MYO15B: variants seen among roughly 807,000 people sequenced by gnomAD.
MYO15B encodes myosin XVB pseudogene.
In MYO15B, 207 loss-of-function variants were observed where a neutral mutation model predicts 119.3. The observed-to-expected ratio is 1.73, with a 90% confidence interval of 1.55 to 1.95. The LOEUF (loss-of-function observed/expected upper bound fraction) is 1.95, where lower values mean the gene tolerates loss of function less well. MYO15B is among the 30% of genes most tolerant of loss of function. MYO15B has a pLI of 0.00. For missense variants in MYO15B, 2,264 were observed against 1,203.1 expected (o/e 1.88, Z -13.04); for synonymous variants, 966 against 498.9 (o/e 1.94, Z -12.48).
exon 21 of MYO15B, chr17:75,605,880 A>G: frequency 1.4e-6 from 1 of 697,784 alleles, no homozygotes; most frequent in Non-Finnish European, 2.6e-6. Flanking sequence ...CTGCAGGAGC[A>G]GGGCTGGCAG....
At chr17:75,588,743 C>A in exon 1 of MYO15B, 1 of 398,906 alleles carries the variant, frequency 2.5e-6, no homozygotes, top group East Asian at 3.6e-5. Context: ...GGGACGGGGC[C>A]CCTGGGAGCC....
chr17:75,614,575 T>G lies in MYO15B; in HGVS notation c.5382-8T>G, dbSNP rs1374221932. 2.9e-6 allele frequency: 2 copies of G among 700,426 alleles called. No homozygotes were observed. Among genetic ancestry groups the G allele is most frequent in the African/African-American group, 1.7e-5 (1 of 57,178 alleles). 43.4% of individuals were successfully genotyped at this position (700,426 alleles called of 1,614,324 possible). The stretch of plus-strand genomic sequence containing the variant: ...GCCACCCCCTTAGCTGGATCCCGTT[T>G]CCTGCAGAGCCGAGGCCATTCCCCT... On this transcript the variant is annotated splice_polypyrimidine_tract_variant and splice_region_variant and intron_variant, in intron 30 of 63. Coordinates refer to ENST00000645453, the Ensembl canonical transcript of MYO15B.
Position 75,621,665 on chromosome 17 carries a change from T to C in MYO15B, c.8005+95T>C, listed in dbSNP as rs116351096. The C allele has an allele frequency of 3.5e-3, 2,281 of 645,868 alleles. 16 individuals carry two copies. The highest frequency in any genetic ancestry group is 0.014 in the African/African-American group (758 of 55,518). 40.0% of individuals were successfully genotyped at this position (645,868 alleles called of 1,614,324 possible). Reference sequence around the variant, plus strand: ...TCTCCTTGAGCTCTGCCTGGCTCTGTCCCAGTCTGCCAACTCCGGGAAGCT... The same window carrying C: ...TCTCCTTGAGCTCTGCCTGGCTCTGCCCCAGTCTGCCAACTCCGGGAAGCT... On this transcript the variant is annotated intron_variant, in intron 52 of 63. Coordinates refer to ENST00000645453, the Ensembl canonical transcript of MYO15B.
chr17:75,592,768 G>A (rs1236904470), exon 9 of MYO15B: 1 of 702,932 alleles, frequency 1.4e-6, no homozygotes, highest in Admixed American at 2.0e-5. Flanking sequence ...TGTGCCCAGA[G>A]GAGTTGAATG....
rs982922342 is a variant in MYO15B at position 75,591,714 on chromosome 17, T to C, written c.2547+2T>C. ...CAGACGGGGAACCGAGAGTGTCAGG[T>C]GAGGGCCAGGCTGGAGGTACCTCAT... On this transcript the variant is annotated splice_donor_variant, in intron 5 of 63. Transcript: ENST00000645453. LOFTEE classifies it high-confidence loss of function. The C allele has an allele frequency of 1.4e-6, 1 of 702,694 alleles. No individual in the cohort carries two copies. Among genetic ancestry groups the C allele is most frequent in the Admixed American group, 2.0e-5 (1 of 49,976 alleles). 43.5% of individuals were successfully genotyped at this position (702,694 alleles called of 1,614,324 possible). A position where few individuals can be genotyped will look rare whatever the true frequency, so the allele number is the denominator to read the frequency against.
chr17:75,610,076 C>T (rs2057922764), intron 21 of MYO15B, 90 bp from the exon 22 acceptor site: 3 of 555,070 alleles, frequency 5.4e-6, no homozygotes, highest in South Asian at 2.2e-5. Context: ...TCAGTTTTTA[C>T]ATGAATGTCA....
chr17:75,616,694 A>G (rs1429461731), exon 39 of MYO15B: 4 of 702,868 alleles, frequency 5.7e-6, no homozygotes, highest in Non-Finnish European at 1.0e-5. Flanking sequence ...CTCCAAGCCC[A>G]AGCGGCCACA....
chr17:75,615,823 A>G, exon 36 of MYO15B: 1 of 702,574 alleles, frequency 1.4e-6, no homozygotes, highest in South Asian at 1.5e-5. Context: ...AAGCCCAGGA[A>G]GCCCCCCACA....
chr17:75,613,911 C>T (rs769831886), intron 29 of MYO15B, 134 bp downstream of exon 29: 15 of 602,714 alleles, frequency 2.5e-5, no homozygotes, highest in East Asian at 5.5e-5. Flanking sequence ...CTGCAGATGG[C>T]GATGGGGAGC....
chr17:75,624,056 C>T, exon 55 of MYO15B: 2 of 703,058 alleles, frequency 2.8e-6, no homozygotes, highest in Non-Finnish European at 2.6e-6. Flanking sequence ...GATTCAGGCC[C>T]CAGCCAAGGT....
chr17:75,610,829 T>A, intron 22 of MYO15B, 71 bp from the exon 23 acceptor site: 1 of 701,750 alleles, frequency 1.4e-6, no homozygotes, highest in Non-Finnish European at 2.6e-6. Context: ...CAGCTGAACT[T>A]CAGAGCTGGG....
At chr17:75,587,858 G>A (rs1351358518) in exon 1 of MYO15B, among the ~76,000 whole-genome samples, 2 of 152,260 alleles carry the variant, frequency 1.3e-5, no homozygotes, top group Non-Finnish European at 2.9e-5. Flanking sequence ...CTATTCCATT[G>A]TTGGCCGAGG....
At chr17:75,622,842 G>C (rs1032238460) in intron 53 of MYO15B, among the ~76,000 whole-genome samples, 1 of 152,170 alleles carries the variant, frequency 6.6e-6, no homozygotes, top group African/African-American at 2.4e-5. Flanking sequence ...TTTTGGACAC[G>C]TGAGGTCTGA....
intron 49 of MYO15B, 106 bp from the exon 50 acceptor site, chr17:75,620,925 T>C: frequency 1.4e-6 from 1 of 702,258 alleles, no homozygotes. Context: ...TCCTGGCTTC[T>C]GGTCTTGCTC....
rs568702212 is a variant in MYO15B, at chr17:75,610,364, C to T, written c.4386+105C>T. 1.0e-3 allele frequency: 598 copies of T among 571,720 alleles called. 4 individuals are homozygous for T. The highest frequency in any genetic ancestry group is 8.6e-3 in the African/African-American group (451 of 52,472). 35.4% of individuals were successfully genotyped at this position (571,720 alleles called of 1,614,324 possible). On this transcript the variant is annotated intron_variant, in intron 22 of 63. Transcript: ENST00000645453. Reference sequence around the variant, plus strand: ...TTGACCCTCTCAGCCCGGCCTCGCACGGGCTGTGGCTTCAGACACAGTGCT... The same window carrying T: ...TTGACCCTCTCAGCCCGGCCTCGCATGGGCTGTGGCTTCAGACACAGTGCT...
chr17:75,596,528 C>T (rs2056869582), exon 13 of MYO15B: 1 of 703,012 alleles, frequency 1.4e-6, no homozygotes, highest in Non-Finnish European at 2.6e-6. Context: ...AGCTCTTCTC[C>T]AGCCAGATGC....
In MYO15B at chr17:75,619,485, C is replaced by T. The variant is rs554300943; in HGVS notation, c.7182+9C>T. On this transcript the variant is annotated intron_variant, in intron 45 of 63. Coordinates refer to ENST00000645453, the Ensembl canonical transcript of MYO15B. ...GCTTCTTTCCTGTCTCGGTCAGTGG[C>T]GCTGGGGTAGGGAGTAGGGATGCCA... The T allele has an allele frequency of 8.8e-5, 62 of 701,310 alleles. No individual in the cohort carries two copies. The highest frequency in any genetic ancestry group is 5.4e-4 in the East Asian group (20 of 37,270). The allele number at this position is 701,310 out of a possible 1,614,324, so 43.4% of individuals were successfully genotyped here.
Position 75,589,699 on chromosome 17 carries a change from C to T in MYO15B, c.1642C>T (p.Pro548Ser), listed in dbSNP as rs2056317112. 5.0e-6 allele frequency: 2 copies of T among 398,746 alleles called. No homozygotes were observed. Among genetic ancestry groups the T allele is most frequent in the African/African-American group, 2.1e-5 (1 of 48,612 alleles). The allele number at this position is 398,746 out of a possible 1,614,324, so 24.7% of individuals were successfully genotyped here. The change falls in exon 1 of 64, where the codon CCC (proline) becomes TCC (serine). Residue 548 changes from proline (P) to serine (S), a missense_variant. Transcript: ENST00000645453. The surrounding 1 kb of genome is among the most constrained non-coding windows in gnomAD (Gnocchi z 4.2). Reference sequence around the variant, plus strand: ...AGATCCCAAGTTCGCGGTCGTGTTCCCCAGGATCCACAGGGCAGGGCGGGC... The same window carrying T: ...AGATCCCAAGTTCGCGGTCGTGTTCTCCAGGATCCACAGGGCAGGGCGGGC...
At chr17:75,611,964 C>G in exon 25 of MYO15B, 1 of 703,018 alleles carries the variant, frequency 1.4e-6, no homozygotes, top group Admixed American at 2.0e-5. Flanking sequence ...CTGACTCTCC[C>G]AGCAGACATT....
Sources: allele counts gnomAD v4.1 joint callset (sites outside exome capture counted in the v4.1 genomes callset), GRCh38; gene constraint gnomAD v4.1.1; non-coding constraint Gnocchi (gnomAD v3.1); transcripts MANE v1.5; gene names NCBI Gene and HGNC (gene_info 2026-07-23, HGNC 2026-07-21).